Variants in DHX29 observed in about 807,000 individuals in gnomAD.
DHX29 encodes ATP-dependent RNA helicase DHX29.
A neutral mutation model predicts 167.9 loss-of-function variants in DHX29; 79 were observed. The observed-to-expected ratio is 0.47, with a 90% CI of 0.39 to 0.57. DHX29 has a LOEUF of 0.57. Ranked by LOEUF, DHX29 falls within the 20% of genes least tolerant of loss-of-function variation. The pLI is 0.00. For synonymous variants in DHX29, 530 were observed against 546.0 expected (o/e 0.97, Z 0.41); for missense variants, 1,347 against 1,593.4 (o/e 0.85, Z 2.63).
At chr5:55,293,937 G>T in intron 6 of DHX29, 80 bp downstream of exon 6, 1 of 1,470,054 alleles carries the variant, frequency 6.8e-7, no homozygotes, top group South Asian at 1.3e-5. Context: ...ATTTACAAAT[G>T]AGCAAACTAA....
intron 1 of DHX29, among the ~76,000 whole-genome samples, chr5:55,306,970 G>C (rs1476383808): frequency 6.6e-6 from 1 of 152,176 alleles, no homozygotes; most frequent in African/African-American, 2.4e-5. Context: ...GGAGACACTA[G>C]ATTGTTGCTG....
chr5:55,283,035 G>A (rs949155681), intron 11 of DHX29, 168 bp downstream of exon 11: 11 of 596,642 alleles, frequency 1.8e-5, no homozygotes, highest in Non-Finnish European at 3.0e-5. Flanking sequence ...TAGGACAGTG[G>A]CATACTATCA....
chr5:55,283,213 G>A lies in DHX29; in HGVS notation c.1955C>T (p.Pro652Leu), dbSNP rs778808410. ...VCDELGCENGPGGRNSLCGYQ... is the reference protein window; with the variant it reads ...VCDELGCENGLGGRNSLCGYQ... ...TGAATGACAGCTTACCCTTCCTCCA[G>A]GTCCATTTTCACAGCCCAATTCATC... Residue 652 changes from proline to leucine, a missense_variant, in exon 11 of 27, where the codon CCT becomes CTT. Pro to Leu is a moderately conservative substitution (Grantham distance 98, BLOSUM62 -3). Around this residue, in one of 3 missense-constraint regions of DHX29, gnomAD observed 882 missense variants for 1,082.4 expected, o/e 0.81. Transcript: ENST00000251636. The A allele has an allele frequency of 2.5e-6, 4 of 1,586,170 alleles. No homozygotes were observed. Among genetic ancestry groups the A allele is most frequent in the Non-Finnish European group, 3.4e-6 (4 of 1,163,216 alleles).
chr5:55,288,013 T>C (rs1467073413), intron 8 of DHX29, among the ~76,000 whole-genome samples: 1 of 147,340 alleles, frequency 6.8e-6, no homozygotes. Flanking sequence ...GAGGCCAAGG[T>C]GGGCAGATCA....
rs1746771351 is a variant in DHX29 at position 55,269,967 on chromosome 5, G to C, written c.3070-330C>G. Among the ~76,000 whole-genome samples the C allele has an allele frequency of 2.0e-5, 3 of 152,226 alleles. No individual in the cohort carries two copies. In the South Asian group the frequency reaches 6.2e-4, roughly 32 times the overall value. ...GATCTTTCAGTCTAAGAAGACCTTT[G>C]TTTAAGTCAGGGTTTCTCAGTCTCA... On this transcript the variant is annotated intron_variant, in intron 20 of 26. Coordinates refer to ENST00000251636, the MANE Select transcript of DHX29 (RefSeq NM_019030.4).
chr5:55,272,146 C>T lies in DHX29; in HGVS notation c.2805G>A (p.Thr935=), dbSNP rs375129072. 6 of 1,580,900 alleles carry T rather than the reference C, an allele frequency of 3.8e-6. No homozygotes were observed. The highest frequency in any genetic ancestry group is 5.1e-6 in the Non-Finnish European group (6 of 1,166,182). Residue 935 remains threonine, a synonymous_variant, in exon 18 of 27, where the codon ACG becomes ACA. Transcript: ENST00000251636. ...ATACAACATCAGGAATAGTGATACC[C>T]GTCTCTGCAATATTGGTTGCTAAAA... The part of the protein sequence containing the change: ...KIVLATNIAE[T]GITIPDVVFV...
At chr5:55,283,170 C>G (rs1323321920) in intron 11 of DHX29, 33 bp downstream of exon 11, 2 of 1,545,696 alleles carry the variant, frequency 1.3e-6, no homozygotes, top group South Asian at 2.5e-5. Flanking sequence ...ATGTCACCAT[C>G]ATTCACTGAG....
intron 5 of DHX29, 88 bp from the exon 6 acceptor site, chr5:55,294,233 C>T: frequency 1.5e-6 from 2 of 1,297,824 alleles, no homozygotes; most frequent in Middle Eastern, 1.9e-4. Context: ...TTTCCTCACA[C>T]TCAAAAGCAG....
chr5:55,275,945 C>G (rs532558181), intron 14 of DHX29, among the ~76,000 whole-genome samples: 1 of 152,236 alleles, frequency 6.6e-6, no homozygotes, highest in African/African-American at 2.4e-5. Context: ...AGAAAAATCA[C>G]TACTAATGTA....
intron 12 of DHX29, among the ~76,000 whole-genome samples, chr5:55,278,717 GAA>G (rs1041901274): frequency 1.3e-5 from 2 of 151,976 alleles, no homozygotes; most frequent in Non-Finnish European, 2.9e-5. Context: ...AGTATGAAAA[GAA>G]AAAGAGAAGG....
At chr5:55,292,638 T>C (rs1748107908) in intron 6 of DHX29, among the ~76,000 whole-genome samples, 1 of 152,128 alleles carries the variant, frequency 6.6e-6, no homozygotes. Flanking sequence ...ATCAAAATCT[T>C]CCAGTCTCAG....
At chr5:55,266,974 A>G (rs1746607973) in intron 23 of DHX29, among the ~76,000 whole-genome samples, 164 bp downstream of exon 23, 2 of 151,038 alleles carry the variant, frequency 1.3e-5, no homozygotes, top group Non-Finnish European at 2.9e-5. Context: ...AATACGTACA[A>G]GTTACTTGCT....
chr5:55,285,776 A>T lies in DHX29; in HGVS notation c.1152T>A (p.Ile384=), dbSNP rs1328547082. ...WTGKSPKQFL[I]DWVRKNLPKS... The stretch of plus-strand genomic sequence containing the variant: ...TGGGAAGATTCTTCCTGACCCAATC[A>T]ATCAGAAATTGTTTGGGAGATTTTC... Residue 384 remains isoleucine (I), a synonymous_variant, in exon 9 of 27, where the codon ATT becomes ATA. Coordinates refer to ENST00000251636, the MANE Select transcript of DHX29 (RefSeq NM_019030.4). 6.2e-7 allele frequency: 1 copy of T among 1,604,478 alleles called. No homozygotes were observed. Among genetic ancestry groups the T allele is most frequent in the African/African-American group, 1.3e-5 (1 of 74,802 alleles).
rs753764216 is a variant in DHX29, at chr5:55,262,895, G to A, written c.3563C>T (p.Ala1188Val). 2.5e-5 allele frequency: 40 copies of A among 1,613,722 alleles called. No homozygotes were observed. The highest frequency in any genetic ancestry group is 3.4e-5 in the Non-Finnish European group (40 of 1,179,858). ...AGAAGTTGTGGAAGATGAAAATCCT[G>A]CTGCCTTAACCAACTTTATTAACTC... Reference protein sequence around the residue: ...KQELIKLVKAAGFSSSTTSTS... With the variant: ...KQELIKLVKAVGFSSSTTSTS... Residue 1188 changes from alanine to valine, a missense_variant, in exon 24 of 27, where the codon GCA becomes GTA. Ala to Val is a moderately conservative substitution (Grantham distance 64). Transcript: ENST00000251636.
At chr5:55,280,637 T>C (rs1747354117) in intron 12 of DHX29, among the ~76,000 whole-genome samples, 1 of 152,128 alleles carries the variant, frequency 6.6e-6, no homozygotes, top group Non-Finnish European at 1.5e-5. Context: ...ATCTTAGTGA[T>C]AAGAGTGAAA....
At chr5:55,259,182 T>C (rs749515881) in intron 26 of DHX29, among the ~76,000 whole-genome samples, 23 of 152,168 alleles carry the variant, frequency 1.5e-4, no homozygotes, top group Non-Finnish European at 3.2e-4. Flanking sequence ...TGTTACCAGT[T>C]TACTAAAATG....
Position 55,274,603 on chromosome 5 carries a change from T to C in DHX29, c.2690+11A>G, listed in dbSNP as rs747456610. 2.0e-6 allele frequency: 3 copies of C among 1,527,120 alleles called. No individual in the cohort carries two copies. Among genetic ancestry groups the C allele is most frequent in the Non-Finnish European group, 2.7e-6 (3 of 1,119,942 alleles). 94.6% of individuals were successfully genotyped at this position (1,527,120 alleles called of 1,614,324 possible). A position where few individuals can be genotyped will look rare whatever the true frequency, so the allele number is the denominator to read the frequency against. On this transcript the variant is annotated intron_variant, in intron 16 of 26. Transcript: ENST00000251636. ...AAAACTACCAGGAATATAATGAAGA[T>C]GAGTAGTTACCGTTCAGAATAAAAT... is the stretch of plus-strand genomic sequence containing the variant.
At chr5:55,266,823 C>T (rs1746601898) in intron 23 of DHX29, among the ~76,000 whole-genome samples, 1 of 152,056 alleles carries the variant, frequency 6.6e-6, no homozygotes, top group South Asian at 2.1e-4. Context: ...ACTATGTGCC[C>T]AGGCTGGTCT....
chr5:55,273,062 A>C (rs1746931272), intron 17 of DHX29, among the ~76,000 whole-genome samples: 1 of 152,100 alleles, frequency 6.6e-6, no homozygotes, highest in African/African-American at 2.4e-5. Flanking sequence ...TTCAACTAGC[A>C]CTCCCTCAAT....
Sources: allele counts gnomAD v4.1 joint callset (sites outside exome capture counted in the v4.1 genomes callset), GRCh38; gene constraint gnomAD v4.1.1; regional missense constraint gnomAD v4.1.1; transcripts MANE v1.5; gene names NCBI Gene and HGNC (gene_info 2026-07-23, HGNC 2026-07-21).